Variants in SGMS1 observed in about 807,000 individuals in gnomAD.
The protein encoded by SGMS1 is sphingomyelin synthase 1.
SGMS1 carries 13 observed loss-of-function variants against 46.2 expected under a neutral mutation model. The observed-to-expected ratio is 0.28, with a 90% CI of 0.18 to 0.45. The LOEUF is 0.45. SGMS1 is among the 20% of genes least tolerant of loss of function. The pLI is 1.00. For missense variants in SGMS1, 324 were observed against 519.9 expected, an observed-to-expected ratio of 0.62 and a Z score of 3.66; for synonymous variants, 203 against 187.8, an observed-to-expected ratio of 1.08 and a Z score of -0.66.
chr10:50,361,514 A>T (rs186917375), intron 6 of SGMS1, among the ~76,000 whole-genome samples: 1 of 152,210 alleles, frequency 6.6e-6, no homozygotes, highest in Non-Finnish European at 1.5e-5. Flanking sequence ...TACCTAGTGC[A>T]GTTAAAGTTC....
chr10:50,549,120 G>A (rs1486499093), intron 2 of SGMS1, among the ~76,000 whole-genome samples: 1 of 152,232 alleles, frequency 6.6e-6, no homozygotes, highest in Non-Finnish European at 1.5e-5. Context: ...TCCAACCATT[G>A]TGGAAGACAG....
At chr10:50,462,577 T>G (rs575060126) in intron 4 of SGMS1, among the ~76,000 whole-genome samples, 55 of 152,354 alleles carry the variant, frequency 3.6e-4, no homozygotes, top group African/African-American at 1.3e-3. Flanking sequence ...TTCTAGAGGT[T>G]GGATGTCACA....
At chr10:50,386,727 C>A (rs1848688890) in intron 6 of SGMS1, among the ~76,000 whole-genome samples, 1 of 152,078 alleles carries the variant, frequency 6.6e-6, no homozygotes, top group Non-Finnish European at 1.5e-5. Flanking sequence ...TGAACAGGGG[C>A]CAAGAGTCCC....
intron 6 of SGMS1, among the ~76,000 whole-genome samples, chr10:50,346,080 C>T (rs753792417): frequency 2.0e-5 from 3 of 152,142 alleles, no homozygotes; most frequent in African/African-American, 4.8e-5. Context: ...TGGCAGAAGA[C>T]GGACCACAGT....
At chr10:50,499,495 C>T (rs948017193) in intron 3 of SGMS1, among the ~76,000 whole-genome samples, 2 of 152,178 alleles carry the variant, frequency 1.3e-5, no homozygotes, top group African/African-American at 4.8e-5. Flanking sequence ...TCCTCAACTA[C>T]TCCCAGATGA....
rs539257430 is a variant in SGMS1 at position 50,376,942 on chromosome 10, C to T, written c.-231-32597G>A. Reference sequence around the variant, plus strand: ...ACAATTTCCATGAAAAAAGGTTACTCATATCCAGAGTGAGCACAACATTAG... The same window carrying T: ...ACAATTTCCATGAAAAAAGGTTACTTATATCCAGAGTGAGCACAACATTAG... On this transcript the variant is annotated intron_variant, in intron 6 of 10. Coordinates refer to ENST00000361781, the MANE Select transcript of SGMS1 (RefSeq NM_147156.4). Among the ~76,000 whole-genome samples the T allele has an allele frequency of 2.0e-5, 3 of 152,240 alleles. No homozygotes were observed. In the East Asian group the frequency reaches 5.8e-4, roughly 29 times the overall value.
chr10:50,560,645 T>C (rs1387845185), intron 2 of SGMS1, among the ~76,000 whole-genome samples: 3 of 147,908 alleles, frequency 2.0e-5, no homozygotes, highest in African/African-American at 4.9e-5. Context: ...TAATATATAA[T>C]ATGTAATATA....
At chr10:50,499,289 A>C (rs750292601) in intron 3 of SGMS1, among the ~76,000 whole-genome samples, 8 of 152,228 alleles carry the variant, frequency 5.3e-5, no homozygotes, top group African/African-American at 7.2e-5. Flanking sequence ...GGAGCTATGA[A>C]TATCCATTTC....
At chr10:50,623,091 C>G (rs1185632221) in intron 1 of SGMS1, among the ~76,000 whole-genome samples, 1 of 151,946 alleles carries the variant, frequency 6.6e-6, no homozygotes, top group Non-Finnish European at 1.5e-5. Flanking sequence ...CGGGCTGTTA[C>G]GCGGCCTGGA....
chr10:50,356,427 G>T (rs958236284), intron 6 of SGMS1, among the ~76,000 whole-genome samples: 1 of 152,106 alleles, frequency 6.6e-6, no homozygotes, highest in Non-Finnish European at 1.5e-5. Flanking sequence ...TGCGGAAGGC[G>T]GAAGGCGGCA....
intron 2 of SGMS1, among the ~76,000 whole-genome samples, chr10:50,520,381 C>CA (rs143925495): frequency 0.01 from 1,493 of 147,508 alleles, 28 homozygotes; most frequent in African/African-American, 0.035. Context: ...GACCCCATCT[C>CA]AAAAAAAAAA....
At chr10:50,598,285 A>G (rs1838615960) in intron 1 of SGMS1, among the ~76,000 whole-genome samples, 2 of 152,042 alleles carry the variant, frequency 1.3e-5, no homozygotes, top group Non-Finnish European at 2.9e-5. Flanking sequence ...GAAGCCCAAG[A>G]AGGGCCCTCA....
intron 2 of SGMS1, among the ~76,000 whole-genome samples, chr10:50,586,407 C>T (rs186807165): frequency 1.8e-4 from 28 of 152,324 alleles, no homozygotes; most frequent in Non-Finnish European, 3.8e-4. Context: ...AACTGGCTTC[C>T]GGGGATGTGG....
At chr10:50,314,276 G>A (rs143796597) in intron 8 of SGMS1, among the ~76,000 whole-genome samples, 6 of 152,054 alleles carry the variant, frequency 3.9e-5, no homozygotes, top group African/African-American at 1.4e-4. Context: ...GCACAAGGAC[G>A]GCGAGGCTTG....
chr10:50,603,035 A>G (rs1838662602), intron 1 of SGMS1, among the ~76,000 whole-genome samples: 1 of 152,360 alleles, frequency 6.6e-6, no homozygotes, highest in South Asian at 2.1e-4. Context: ...GGCTGTCTTC[A>G]TTTCCAACTC....
intron 6 of SGMS1, among the ~76,000 whole-genome samples, chr10:50,377,114 A>G (rs948812377): frequency 1.3e-5 from 2 of 152,206 alleles, no homozygotes; most frequent in African/African-American, 4.8e-5. Context: ...GTTAACAAAG[A>G]AAAAAAGTTT....
At chr10:50,313,720 T>C (rs1847295022) in intron 8 of SGMS1, among the ~76,000 whole-genome samples, 1 of 152,226 alleles carries the variant, frequency 6.6e-6, no homozygotes, top group Non-Finnish European at 1.5e-5. Context: ...ATAAATCATA[T>C]TCTCAAGGCA....
At chr10:50,527,904 GT>G (rs1225635822) in intron 2 of SGMS1, among the ~76,000 whole-genome samples, 1 of 152,166 alleles carries the variant, frequency 6.6e-6, no homozygotes, top group Non-Finnish European at 1.5e-5. Flanking sequence ...CGGCAGCTCT[GT>G]GGTCTTCAAC....
intron 2 of SGMS1, among the ~76,000 whole-genome samples, chr10:50,541,627 T>G (rs1321150870): frequency 1.3e-5 from 2 of 152,100 alleles, no homozygotes; most frequent in Non-Finnish European, 1.5e-5. Flanking sequence ...GCTGCCCCAC[T>G]TGGAGACAAG....
Sources: allele counts gnomAD v4.1 joint callset (sites outside exome capture counted in the v4.1 genomes callset), GRCh38; gene constraint gnomAD v4.1.1; transcripts MANE v1.5; gene names NCBI Gene and HGNC (gene_info 2026-07-23, HGNC 2026-07-21).